NCAPD3: variants seen among roughly 807,000 people sequenced by gnomAD.
NCAPD3 encodes the protein condensin-2 complex subunit D3.
A neutral mutation model predicts 182.9 loss-of-function variants in NCAPD3; 105 were observed. The observed-to-expected ratio is 0.57, with a 90% confidence interval of 0.49 to 0.68. The LOEUF (loss-of-function observed/expected upper bound fraction) is 0.68. Ranked by LOEUF, NCAPD3 falls within the 30% of genes least tolerant of loss-of-function variation. NCAPD3 has a pLI of 0.00. For synonymous variants in NCAPD3, 815 were observed against 679.9 expected, an observed-to-expected ratio of 1.20 and a Z score of -3.09; for missense variants, 1,944 against 1,837.0, an observed-to-expected ratio of 1.06 and a Z score of -1.07.
chr11:134,159,823 CA>C, intron 29 of NCAPD3, 68 bp downstream of exon 29: 3 of 1,485,992 alleles, frequency 2.0e-6, no homozygotes, highest in Non-Finnish European at 2.7e-6. Flanking sequence ...AGGTGCCAGA[CA>C]AACGACAGAC....
intron 27 of NCAPD3, 30 bp downstream of exon 27, chr11:134,167,966 A>T: frequency 6.2e-7 from 1 of 1,602,464 alleles, no homozygotes; most frequent in Non-Finnish European, 8.5e-7. Flanking sequence ...CACTTGTGAG[A>T]AGATGATCTT....
rs1432478229 is a variant in NCAPD3, at chr11:134,203,023, C to T, written c.1526-118G>A. The T allele has an allele frequency of 6.0e-6, 7 of 1,164,626 alleles. No homozygotes were observed. The Admixed American group carries it at 1.4e-4, about 23-fold the overall frequency. The allele number at this position is 1,164,626 out of a possible 1,614,324, so 72.1% of individuals were successfully genotyped here. A position where few individuals can be genotyped will look rare whatever the true frequency, so the allele number is the denominator to read the frequency against. On this transcript the variant is annotated intron_variant, in intron 12 of 34. Transcript: ENST00000534548. Reference sequence around the variant, plus strand: ...ATTACTGAAATGAATTTCAACCTCTCTCATGAAAAAAGTACAATGTTAAAG... The same window carrying T: ...ATTACTGAAATGAATTTCAACCTCTTTCATGAAAAAAGTACAATGTTAAAG...
chr11:134,168,676 G>A lies in NCAPD3; in HGVS notation c.3240-74C>T, dbSNP rs1340819296. 5 of 1,581,552 alleles carry A rather than the reference G, an allele frequency of 3.2e-6. No individual in the cohort carries two copies. The East Asian group carries it at 1.1e-4, about 35-fold the overall frequency. ...AGGGATTTAACACTGCACTTTAACT[G>A]CATCCTAAAAGCTGCATGCCAAAGA... On this transcript the variant is annotated intron_variant, in intron 25 of 34. Transcript: ENST00000534548.
At chr11:134,182,514 C>T (rs867303539) in intron 19 of NCAPD3, among the ~76,000 whole-genome samples, 2 of 152,196 alleles carry the variant, frequency 1.3e-5, no homozygotes, top group African/African-American at 4.8e-5. Context: ...TCTGCAGTTC[C>T]TTACATAACT....
chr11:134,221,481 C>T (rs1404966114), intron 1 of NCAPD3, among the ~76,000 whole-genome samples: 2 of 151,864 alleles, frequency 1.3e-5, no homozygotes, highest in East Asian at 1.9e-4. Flanking sequence ...CCCATCAACC[C>T]GTCATCTACA....
At chr11:134,203,052 G>A (rs546732809) in intron 12 of NCAPD3, 90 bp downstream of exon 12, 121 of 1,210,736 alleles carry the variant, frequency 1.0e-4, no homozygotes, top group Non-Finnish European at 6.6e-5. Context: ...GTTAAAGCAG[G>A]TAAATAAGGA....
In NCAPD3 at chr11:134,172,468, G is replaced by A. The variant is rs138582017; in HGVS notation, c.3102-3414C>T. Among the ~76,000 whole-genome samples the A allele has an allele frequency of 7.9e-3, 1,197 of 152,158 alleles. 11 individuals are homozygous for A. The highest frequency in any genetic ancestry group is 0.027 in the African/African-American group (1,111 of 41,510). ...GCTTCACTAAGGCCTCCAGATAGTC[G>A]CGTGCTTGCTTCCTTTTCTCCCAAA... On this transcript the variant is annotated intron_variant, in intron 24 of 34. Coordinates refer to ENST00000534548, the MANE Select transcript of NCAPD3 (RefSeq NM_015261.3).
At chr11:134,176,532 G>C in intron 23 of NCAPD3, 146 bp from the exon 24 acceptor site, 1 of 651,894 alleles carries the variant, frequency 1.5e-6, no homozygotes, top group Non-Finnish European at 2.7e-6. Flanking sequence ...TCGGAATGTA[G>C]TGCCGAGAAG....
Position 134,152,757 on chromosome 11 carries a change from AGT to A in NCAPD3, c.*185_*186del, listed in dbSNP as rs1491084285. The A allele has an allele frequency of 4.1e-6, 2 of 489,744 alleles. No individual in the cohort carries two copies. The highest frequency in any genetic ancestry group is 7.1e-6 in the Non-Finnish European group (2 of 280,062). The allele number at this position is 489,744 out of a possible 1,614,324, so 30.3% of individuals were successfully genotyped here. On this transcript the variant is annotated 3_prime_UTR_variant, in exon 35 of 35. Coordinates refer to ENST00000534548, the MANE Select transcript of NCAPD3 (RefSeq NM_015261.3). ...ATCTGGCACATCTCTATTATTTGAC[AGT>A]GTTTAACCAAATACATCATACAGAA... is the stretch of plus-strand genomic sequence containing the variant.
chr11:134,188,845 G>C (rs1035477953), intron 16 of NCAPD3, among the ~76,000 whole-genome samples: 1 of 152,096 alleles, frequency 6.6e-6, no homozygotes, highest in Non-Finnish European at 1.5e-5. Flanking sequence ...GGACACAAAG[G>C]GTATCCTTAT....
intron 30 of NCAPD3, 25 bp downstream of exon 30, chr11:134,158,304 G>A: frequency 6.2e-7 from 1 of 1,613,166 alleles, no homozygotes; most frequent in Non-Finnish European, 8.5e-7. Context: ...AACCAGCCCT[G>A]ATGTGGCCTC....
At chr11:134,179,069 A>G in intron 20 of NCAPD3, 133 bp from the exon 21 acceptor site, 1 of 627,936 alleles carries the variant, frequency 1.6e-6, no homozygotes, top group Non-Finnish European at 2.8e-6. Context: ...TTCGTTTCAT[A>G]AAAATACATG....
At position 134,178,759 on chromosome 11, in the gene NCAPD3, A is replaced by G; in HGVS notation, c.2675-18T>C. On this transcript the variant is annotated intron_variant, in intron 21 of 34. Coordinates refer to ENST00000534548, the MANE Select transcript of NCAPD3 (RefSeq NM_015261.3). ...TGATGGTGCTGCAAAGAAGGGAGAG[A>G]AAGTTACCGACAGAACCTTGAAACG... The G allele has an allele frequency of 7.5e-6, 12 of 1,608,324 alleles. No individual in the cohort carries two copies. The highest frequency in any genetic ancestry group is 1.1e-5 in the South Asian group (1 of 90,800).
In NCAPD3 at chr11:134,152,466, T is replaced by C. The variant is rs1326793452; in HGVS notation, c.*478A>G. On this transcript the variant is annotated 3_prime_UTR_variant, in exon 35 of 35. Transcript: ENST00000534548. ...AGGCTGTATTTATGCTAAACCTTTA[T>C]TACTTTTAGAAAGCTGTACACTTTT... The C allele has an allele frequency of 6.6e-6, 1 of 152,480 alleles. No homozygotes were observed. The highest frequency in any genetic ancestry group is 1.5e-5 in the Non-Finnish European group (1 of 68,210). 9.4% of individuals were successfully genotyped at this position (152,480 alleles called of 1,614,324 possible).
chr11:134,211,615 C>G (rs1009080227), intron 3 of NCAPD3, among the ~76,000 whole-genome samples: 1 of 151,586 alleles, frequency 6.6e-6, no homozygotes, highest in South Asian at 2.1e-4. Context: ...CAGGAAATGA[C>G]AGAGATAATG....
At chr11:134,190,799 G>C (rs904903131) in intron 16 of NCAPD3, among the ~76,000 whole-genome samples, 3 of 152,204 alleles carry the variant, frequency 2.0e-5, no homozygotes, top group Admixed American at 2.0e-4. Flanking sequence ...TTAGTGGAGA[G>C]GTGGTGGCGA....
upstream of NCAPD3, chr11:134,224,217 C>T (rs1381674953): frequency 3.7e-6 from 2 of 536,044 alleles, no homozygotes; most frequent in Non-Finnish European, 6.6e-6. Context: ...TTTTTCCCGC[C>T]TCGTTTTTCT....
chr11:134,177,601 A>G, intron 22 of NCAPD3, 144 bp from the exon 23 acceptor site: 1 of 682,770 alleles, frequency 1.5e-6, no homozygotes, highest in Non-Finnish European at 2.4e-6. Flanking sequence ...ACAAAAAACT[A>G]AAGGCAGACA....
chr11:134,167,269 A>C (rs1187434372), intron 27 of NCAPD3, among the ~76,000 whole-genome samples: 9 of 81,252 alleles, frequency 1.1e-4, no homozygotes, highest in East Asian at 4.1e-4. Context: ...TTAGGGGAGC[A>C]GCACACTCAC....
Sources: gnomAD v4.1 joint callset for allele counts (sites outside exome capture counted in the v4.1 genomes callset) on GRCh38, gnomAD v4.1.1 for gene constraint, MANE v1.5 for transcripts, NCBI Gene and HGNC (gene_info 2026-07-23, HGNC 2026-07-21) for gene names.